Variants in ARHGAP42 observed in about 807,000 individuals in gnomAD.
ARHGAP42 encodes rho GTPase-activating protein 42.
ARHGAP42 carries 63 observed loss-of-function variants against 125.0 expected under a neutral mutation model. The observed-to-expected ratio is 0.50, with a 90% CI of 0.41 to 0.62. The LOEUF (loss-of-function observed/expected upper bound fraction) is 0.62. ARHGAP42 is among the 20% of genes least tolerant of loss of function. The pLI is 0.00. For synonymous variants in ARHGAP42, 339 were observed against 351.0 expected (o/e 0.97, Z 0.38); for missense variants, 766 against 1,024.2 (o/e 0.75, Z 3.44).
intron 1 of ARHGAP42, among the ~76,000 whole-genome samples, chr11:100,699,506 A>ATTTTTT (rs869243290): frequency 1.9e-4 from 6 of 31,756 alleles, no homozygotes; most frequent in Admixed American, 6.8e-4. Flanking sequence ...ATATATATAT[A>ATTTTTT]TTTTTTTTTT....
At chr11:100,891,372 A>AT (rs967867397) in intron 4 of ARHGAP42, among the ~76,000 whole-genome samples, 11 of 146,914 alleles carry the variant, frequency 7.5e-5, no homozygotes, top group South Asian at 6.4e-4. Flanking sequence ...CCAGGTAGAC[A>AT]TTTTTTTTTA....
intron 3 of ARHGAP42, among the ~76,000 whole-genome samples, chr11:100,856,781 T>C (rs1052503454): frequency 6.6e-6 from 1 of 152,110 alleles, no homozygotes; most frequent in Non-Finnish European, 1.5e-5. Context: ...AGAGTAGACA[T>C]TCAATTAATT....
intron 3 of ARHGAP42, chr11:100,839,427 A>G (rs1222590406): frequency 6.6e-6 from 1 of 152,168 alleles, no homozygotes; most frequent in African/African-American, 2.4e-5. Flanking sequence ...TATAACTTCC[A>G]CACACCAGCT....
chr11:100,914,188 G>C (rs1472733999), intron 5 of ARHGAP42, among the ~76,000 whole-genome samples: 4 of 152,104 alleles, frequency 2.6e-5, no homozygotes, highest in African/African-American at 4.8e-5. Flanking sequence ...GCCTGCCTTA[G>C]CCTCTCAAAG....
chr11:100,974,716 C>A, intron 19 of ARHGAP42, 113 bp downstream of exon 19: 1 of 1,102,526 alleles, frequency 9.1e-7, no homozygotes, highest in Non-Finnish European at 1.2e-6. Context: ...GCTCTTTCCC[C>A]AACACCTCCT....
At chr11:100,837,685 T>TTTTTA (rs1864836958) in intron 3 of ARHGAP42, among the ~76,000 whole-genome samples, 2 of 131,420 alleles carry the variant, frequency 1.5e-5, no homozygotes, top group African/African-American at 2.8e-5. Flanking sequence ...TTTTTTTTTT[T>TTTTTA]TTTTTTTTTT....
intron 4 of ARHGAP42, among the ~76,000 whole-genome samples, chr11:100,874,577 A>G (rs1591258378): frequency 6.6e-6 from 1 of 152,240 alleles, no homozygotes; most frequent in South Asian, 2.1e-4. Context: ...AGACTTCTGG[A>G]GCCCCCGTAT....
chr11:100,966,134 A>G (rs1858088138), intron 17 of ARHGAP42, among the ~76,000 whole-genome samples: 1 of 152,104 alleles, frequency 6.6e-6, no homozygotes, highest in African/African-American at 2.4e-5. Flanking sequence ...CTATACTACT[A>G]AAGTCAACAG....
intron 8 of ARHGAP42, among the ~76,000 whole-genome samples, chr11:100,936,870 G>C (rs913760006): frequency 1.3e-5 from 2 of 152,142 alleles, no homozygotes; most frequent in African/African-American, 2.4e-5. Flanking sequence ...ATATTAAAAA[G>C]CCATTCGGAC....
chr11:100,955,879 A>G (rs1005576610), intron 12 of ARHGAP42, among the ~76,000 whole-genome samples: 2 of 152,122 alleles, frequency 1.3e-5, no homozygotes, highest in Non-Finnish European at 2.9e-5. Context: ...GCACTGATGC[A>G]TTAAGTATAG....
chr11:100,992,752 C>T lies in ARHGAP42; in HGVS notation c.*3951C>T, dbSNP rs1858873495. 2 of 1,501,822 alleles carry T rather than the reference C, an allele frequency of 1.3e-6. No individual in the cohort carries two copies. Among genetic ancestry groups the T allele is most frequent in the Non-Finnish European group, 1.8e-6 (2 of 1,119,558 alleles). 93.0% of individuals were successfully genotyped at this position (1,501,822 alleles called of 1,614,324 possible). On this transcript the variant is annotated 3_prime_UTR_variant, in exon 24 of 24. Coordinates refer to ENST00000298815, the MANE Select transcript of ARHGAP42 (RefSeq NM_152432.4). ...AATTGGATTTTTTATTTTTTGAGGG[C>T]AGCTGCCCTCACTGTTTTAAATAAA... is the stretch of plus-strand genomic sequence containing the variant.
At chr11:100,828,243 A>C (rs1402571609) in intron 3 of ARHGAP42, among the ~76,000 whole-genome samples, 4 of 147,860 alleles carry the variant, frequency 2.7e-5, no homozygotes, top group Non-Finnish European at 6.0e-5. Flanking sequence ...ACCCTTTAGA[A>C]GGATTTTCCC....
chr11:100,982,333 T>C (rs1005762534), intron 22 of ARHGAP42, among the ~76,000 whole-genome samples: 1 of 152,124 alleles, frequency 6.6e-6, no homozygotes, highest in Admixed American at 6.5e-5. Flanking sequence ...AAATGAAGAT[T>C]CCAGGGTTTT....
intron 3 of ARHGAP42, among the ~76,000 whole-genome samples, chr11:100,849,372 C>T (rs926528586): frequency 2.0e-5 from 3 of 151,984 alleles, no homozygotes; most frequent in Admixed American, 6.6e-5. Context: ...AGACCAGGGC[C>T]GAGAGTTATA....
intron 1 of ARHGAP42, among the ~76,000 whole-genome samples, chr11:100,729,230 C>CT (rs1161763862): frequency 2.6e-5 from 4 of 151,764 alleles, no homozygotes; most frequent in Admixed American, 6.6e-5. Flanking sequence ...AAGGATGTCA[C>CT]TTTTTTTTAA....
At chr11:100,725,848 T>C (rs1296791381) in intron 1 of ARHGAP42, among the ~76,000 whole-genome samples, 1 of 145,290 alleles carries the variant, frequency 6.9e-6, no homozygotes, top group Admixed American at 7.2e-5. Context: ...GGCAGGAGAA[T>C]GGCGCGAACC....
chr11:100,880,022 C>A (rs1223139168), intron 4 of ARHGAP42, among the ~76,000 whole-genome samples: 1 of 152,158 alleles, frequency 6.6e-6, no homozygotes, highest in East Asian at 1.9e-4. Context: ...TGCAACTGAG[C>A]TACTGAAGGA....
At chr11:100,781,164 G>A (rs1396906779) in intron 2 of ARHGAP42, among the ~76,000 whole-genome samples, 1 of 152,020 alleles carries the variant, frequency 6.6e-6, no homozygotes, top group Non-Finnish European at 1.5e-5. Context: ...TGTACAATAG[G>A]TGTTTTCTTG....
chr11:100,726,931 G>A (rs1861871982), intron 1 of ARHGAP42, among the ~76,000 whole-genome samples: 1 of 152,210 alleles, frequency 6.6e-6, no homozygotes, highest in African/African-American at 2.4e-5. Context: ...ACAGGGAAGT[G>A]AGGTGATCCT....
Sources: gnomAD v4.1 joint callset for allele counts (sites outside exome capture counted in the v4.1 genomes callset) on GRCh38, gnomAD v4.1.1 for gene constraint, MANE v1.5 for transcripts, NCBI Gene and HGNC (gene_info 2026-07-23, HGNC 2026-07-21) for gene names.